COL12A1: variants seen among roughly 807,000 people sequenced by gnomAD.
The protein encoded by COL12A1 is collagen alpha-1(XII) chain.
COL12A1 carries 114 observed loss-of-function variants against 349.7 expected under a neutral mutation model. That is an observed-to-expected ratio of 0.33 (90% CI 0.28 to 0.38). The LOEUF (loss-of-function observed/expected upper bound fraction) is 0.38, where lower values mean the gene tolerates loss of function less well. Among genes scored for constraint, COL12A1 ranks in the 10% least tolerant of loss-of-function variants. The pLI, the probability that COL12A1 is intolerant of heterozygous loss-of-function variation, is 1.00. For missense variants in COL12A1, 3,284 were observed against 3,756.9 expected, an observed-to-expected ratio of 0.87 and a Z score of 3.29; for synonymous variants, 1,369 against 1,329.0, an observed-to-expected ratio of 1.03 and a Z score of -0.66.
chr6:75,162,952 C>T (rs768846631), intron 14 of COL12A1, among the ~76,000 whole-genome samples: 13 of 152,090 alleles, frequency 8.5e-5, no homozygotes, highest in East Asian at 1.9e-4. Flanking sequence ...CAAATCAAAA[C>T]CACAATGAGA....
rs1769776048 is a variant in COL12A1 at position 75,188,904 on chromosome 6, T to TA, written c.823+312dup. Among the ~76,000 whole-genome samples, 6 of 152,106 alleles carry TA rather than the reference T, an allele frequency of 3.9e-5. No homozygotes were observed. In the South Asian group the frequency reaches 6.2e-4, roughly 16 times the overall value. On this transcript the variant is annotated intron_variant, in intron 7 of 65. Coordinates refer to ENST00000322507, the MANE Select transcript of COL12A1 (RefSeq NM_004370.6). ...AGTATTACATAATATAGGAAACACATAAAAAACACTTAATGATAATACAAG... is the reference window on the plus strand; with the variant it reads ...AGTATTACATAATATAGGAAACACATAAAAAAACACTTAATGATAATACAAG...
At chr6:75,101,678 G>A (rs371650389) in intron 57 of COL12A1, 25 bp from the exon 58 acceptor site, 815 of 1,608,448 alleles carry the variant, frequency 5.1e-4, no homozygotes, top group Non-Finnish European at 6.6e-4. Context: ...ACAAACAAGT[G>A]AAACATTATA....
At chr6:75,144,650 T>C (rs1767086201) in intron 25 of COL12A1, among the ~76,000 whole-genome samples, 1 of 152,114 alleles carries the variant, frequency 6.6e-6, no homozygotes, top group Non-Finnish European at 1.5e-5. Flanking sequence ...CCTAAATGCT[T>C]AGTAAAACAA....
rs199673248 is a variant in COL12A1 at position 75,189,297 on chromosome 6, A to T, written c.743T>A (p.Ile248Asn). ...RVGFPKVAII[I>N]TDGKSQDEVE... ...TTCATCCTGGGATTTTCCATCCGTA[A>T]TAATAATTGCCACTTTAGGAAAGCC... The change falls in exon 7 of 66, where the codon ATT becomes AAT. Residue 248 changes from isoleucine to asparagine, a missense_variant. Ile to Asn is a moderately radical substitution (Grantham distance 149). Coordinates refer to ENST00000322507, the MANE Select transcript of COL12A1 (RefSeq NM_004370.6). 6.2e-7 allele frequency: 1 copy of T among 1,613,180 alleles called. No homozygotes were observed. Among genetic ancestry groups the T allele is most frequent in the South Asian group, 1.1e-5 (1 of 91,024 alleles).
intron 37 of COL12A1, among the ~76,000 whole-genome samples, chr6:75,128,839 G>A (rs1316974077): frequency 1.3e-5 from 2 of 152,204 alleles, no homozygotes; most frequent in Non-Finnish European, 2.9e-5. Context: ...CAGGCACAGT[G>A]GGACAGGTAT....
At chr6:75,122,016 C>A (rs936269102) in intron 43 of COL12A1, among the ~76,000 whole-genome samples, 1 of 151,984 alleles carries the variant, frequency 6.6e-6, no homozygotes, top group Non-Finnish European at 1.5e-5. Flanking sequence ...TGTGCCACCA[C>A]GCCCAGCTAA....
At chr6:75,171,955 A>G (rs183840999) in intron 13 of COL12A1, among the ~76,000 whole-genome samples, 2 of 152,394 alleles carry the variant, frequency 1.3e-5, no homozygotes, top group East Asian at 3.9e-4. Flanking sequence ...TTTAGCATAA[A>G]TGAACAAAAT....
chr6:75,147,241 C>T (rs1240436878), intron 23 of COL12A1, among the ~76,000 whole-genome samples: 1 of 152,242 alleles, frequency 6.6e-6, no homozygotes, highest in African/African-American at 2.4e-5. Context: ...CTTAGTCCCA[C>T]TCCCCACATG....
chr6:75,161,817 A>G (rs1031684894), intron 14 of COL12A1, among the ~76,000 whole-genome samples: 6 of 152,368 alleles, frequency 3.9e-5, no homozygotes, highest in Admixed American at 1.3e-4. Context: ...GTCTCAGGAT[A>G]CAAAATCAAT....
intron 13 of COL12A1, 61 bp downstream of exon 13, chr6:75,174,977 C>A: frequency 6.4e-7 from 1 of 1,569,178 alleles, no homozygotes; most frequent in South Asian, 1.2e-5. Context: ...ACATTTTAAG[C>A]TTCCTAGAGG....
intron 25 of COL12A1, among the ~76,000 whole-genome samples, chr6:75,145,067 A>C (rs1362852988): frequency 6.6e-6 from 1 of 152,234 alleles, no homozygotes; most frequent in Non-Finnish European, 1.5e-5. Context: ...AAGAGCAATA[A>C]TAGTAAGACA....
intron 17 of COL12A1, 22 bp from the exon 18 acceptor site, chr6:75,152,504 A>C: frequency 6.2e-7 from 1 of 1,612,430 alleles, no homozygotes; most frequent in Non-Finnish European, 8.5e-7. Flanking sequence ...ATCATGAGAC[A>C]AGACAGTAAG....
At chr6:75,153,579 A>G (rs1163150143) in intron 17 of COL12A1, among the ~76,000 whole-genome samples, 1 of 152,122 alleles carries the variant, frequency 6.6e-6, no homozygotes, top group Non-Finnish European at 1.5e-5. Context: ...TCATCACACT[A>G]CAGAATACAA....
chr6:75,109,524 T>G (rs558645170), intron 51 of COL12A1, among the ~76,000 whole-genome samples: 1 of 152,282 alleles, frequency 6.6e-6, no homozygotes, highest in East Asian at 1.9e-4. Flanking sequence ...ATCATGTATA[T>G]ACTATTATAT....
rs113194449 is a variant in COL12A1 at position 75,151,325 on chromosome 6, C to T, written c.4001-38G>A. On this transcript the variant is annotated intron_variant, in intron 20 of 65. Transcript: ENST00000322507. ...ATATATACAAATTAAAAGCACTTCT[C>T]AGAAAAAAATTAATGGAATGAAGCA... is the stretch of plus-strand genomic sequence containing the variant. The T allele has an allele frequency of 1.4e-3, 2,281 of 1,583,136 alleles. 29 individuals are homozygous for T. In the African/African-American group the frequency reaches 0.027, roughly 19 times the overall value.
intron 58 of COL12A1, among the ~76,000 whole-genome samples, chr6:75,099,915 C>T (rs1768225242): frequency 6.6e-6 from 1 of 152,192 alleles, no homozygotes; most frequent in African/African-American, 2.4e-5. Flanking sequence ...CTTCTCTTCA[C>T]TTCCACCACT....
At chr6:75,107,667 T>C (rs1357435164) in intron 52 of COL12A1, among the ~76,000 whole-genome samples, 3 of 152,226 alleles carry the variant, frequency 2.0e-5, no homozygotes, top group Non-Finnish European at 4.4e-5. Flanking sequence ...TGCTCTTCTT[T>C]TTAGAAATTA....
chr6:75,087,435 CTAT>C (rs1767554975), intron 65 of COL12A1, 139 bp downstream of exon 65: 1 of 745,388 alleles, frequency 1.3e-6, no homozygotes, highest in East Asian at 2.6e-5. Context: ...ATAGCAAACA[CTAT>C]TATTATATAA....
chr6:75,179,513 A>G (rs1269804580), intron 11 of COL12A1, among the ~76,000 whole-genome samples: 2 of 151,686 alleles, frequency 1.3e-5, no homozygotes, highest in Non-Finnish European at 2.9e-5. Context: ...TATGTGATGG[A>G]CTTCAGGAAG....
Sources: allele counts gnomAD v4.1 joint callset (sites outside exome capture counted in the v4.1 genomes callset), GRCh38; gene constraint gnomAD v4.1.1; transcripts MANE v1.5; gene names NCBI Gene and HGNC (gene_info 2026-07-23, HGNC 2026-07-21).